ANKRD17: variants seen among roughly 807,000 people sequenced by gnomAD.
ANKRD17 encodes ankyrin repeat domain 17.
In ANKRD17, 19 loss-of-function variants were observed where a neutral mutation model predicts 229.7. The ratio of observed to expected loss-of-function variants is 0.08; its 90% CI spans 0.06 to 0.12. ANKRD17 has a LOEUF of 0.12. ANKRD17 is among the 10% of genes least tolerant of loss of function. ANKRD17 has a pLI of 1.00. For missense variants in ANKRD17, 2,176 were observed against 3,176.8 expected (o/e 0.68, Z 7.57); for synonymous variants, 1,112 against 1,146.1 (o/e 0.97, Z 0.60).
Position 73,192,491 on chromosome 4 carries a change from A to G in ANKRD17, c.394-14958T>C, listed in dbSNP as rs78766718. On this transcript the variant is annotated intron_variant, in intron 1 of 33. Coordinates refer to ENST00000358602, the MANE Select transcript of ANKRD17 (RefSeq NM_032217.5). ...CCCAAGTTATTAACAGTGGTAATCAAAGAATGAAATCAAAGAGAGAATTGT... is the reference window on the plus strand; with the variant it reads ...CCCAAGTTATTAACAGTGGTAATCAGAGAATGAAATCAAAGAGAGAATTGT... Among the ~76,000 whole-genome samples the G allele has an allele frequency of 2.0e-3, 304 of 152,238 alleles. 2 individuals carry two copies. The highest frequency in any genetic ancestry group is 6.7e-3 in the African/African-American group (277 of 41,584).
Position 73,077,118 on chromosome 4 carries a change from AAC to A in ANKRD17, c.7588-16_7588-15del. 2 of 1,553,074 alleles carry A rather than the reference AAC, an allele frequency of 1.3e-6. No individual in the cohort carries two copies. The highest frequency in any genetic ancestry group is 8.7e-7 in the Non-Finnish European group (1 of 1,151,806). On this transcript the variant is annotated splice_polypyrimidine_tract_variant and intron_variant, in intron 32 of 33. Coordinates refer to ENST00000358602, the MANE Select transcript of ANKRD17 (RefSeq NM_032217.5). ...AAAAGGCATACCCTTAAAAAAGGAA[AAC>A]ACACACATTAACATCCAAGTCATTG...
chr4:73,109,673 G>A (rs183986281), intron 24 of ANKRD17, among the ~76,000 whole-genome samples: 2 of 152,230 alleles, frequency 1.3e-5, no homozygotes, highest in African/African-American at 4.8e-5. Flanking sequence ...AAGGGCTAGG[G>A]AAATCTAGTA....
chr4:73,185,186 A>AT (rs1247771969), intron 1 of ANKRD17, among the ~76,000 whole-genome samples: 4 of 151,766 alleles, frequency 2.6e-5, no homozygotes, highest in Admixed American at 2.6e-4. Context: ...AGAAAAAATA[A>AT]TAATAAATAA....
At chr4:73,256,130 T>C (rs983808430) in intron 1 of ANKRD17, among the ~76,000 whole-genome samples, 1 of 152,242 alleles carries the variant, frequency 6.6e-6, no homozygotes, top group Non-Finnish European at 1.5e-5. Context: ...GTTAAAAACA[T>C]AGAAATACTA....
intron 24 of ANKRD17, among the ~76,000 whole-genome samples, chr4:73,108,551 T>A (rs1724918445): frequency 6.6e-6 from 1 of 152,148 alleles, no homozygotes; most frequent in Non-Finnish European, 1.5e-5. Flanking sequence ...GAGCCTGTAG[T>A]GGCATGAAAG....
chr4:73,235,866 CTTT>C (rs529645343), intron 1 of ANKRD17, among the ~76,000 whole-genome samples: 1 of 144,260 alleles, frequency 6.9e-6, no homozygotes, highest in South Asian at 2.2e-4. Context: ...AAAATTTTTT[CTTT>C]TTTTTTTTGG....
At chr4:73,220,618 T>C (rs1289917562) in intron 1 of ANKRD17, among the ~76,000 whole-genome samples, 1 of 152,250 alleles carries the variant, frequency 6.6e-6, no homozygotes, top group East Asian at 1.9e-4. Context: ...TCACTAATGA[T>C]ATTGACTTTT....
chr4:73,175,019 A>G lies in ANKRD17; in HGVS notation c.547+2361T>C, dbSNP rs563024638. ...CTACCCCAAGCAACTTACAGAGTCA[A>G]TGCAATTCCTATCAAAATACTAATG... On this transcript the variant is annotated intron_variant, in intron 2 of 33. Coordinates refer to ENST00000358602, the MANE Select transcript of ANKRD17 (RefSeq NM_032217.5). Among the ~76,000 whole-genome samples, 4 of 152,338 alleles carry G rather than the reference A, an allele frequency of 2.6e-5. No homozygotes were observed. In the East Asian group the frequency reaches 5.8e-4, roughly 22 times the overall value.
chr4:73,151,530 C>A lies in ANKRD17; in HGVS notation c.1235-6G>T. 1.9e-6 allele frequency: 3 copies of A among 1,557,254 alleles called. No homozygotes were observed. Among genetic ancestry groups the A allele is most frequent in the Non-Finnish European group, 2.6e-6 (3 of 1,151,420 alleles). On this transcript the variant is annotated splice_polypyrimidine_tract_variant and splice_region_variant and intron_variant, in intron 6 of 33. Transcript: ENST00000358602. Reference sequence around the variant, plus strand: ...TCGCACCATCTCTAAGTGTCCTAAACCAAAAGTGTACAAGATTACTTGAAA... The same window carrying A: ...TCGCACCATCTCTAAGTGTCCTAAAACAAAAGTGTACAAGATTACTTGAAA...
At chr4:73,226,908 A>G (rs2149228253) in intron 1 of ANKRD17, among the ~76,000 whole-genome samples, 1 of 152,142 alleles carries the variant, frequency 6.6e-6, no homozygotes, top group East Asian at 1.9e-4. Context: ...CTCTATCTTT[A>G]GGTCACTGGA....
rs923234828 is a variant in ANKRD17, at chr4:73,202,376, A to G, written c.394-24843T>C. ...ACAGAACTGAAGTCTTACTTAGTTCAGGAGAAAAAGATCAGAGTTTAGAGA... is the reference window on the plus strand; with the variant it reads ...ACAGAACTGAAGTCTTACTTAGTTCGGGAGAAAAAGATCAGAGTTTAGAGA... On this transcript the variant is annotated intron_variant, in intron 1 of 33. Coordinates refer to ENST00000358602, the MANE Select transcript of ANKRD17 (RefSeq NM_032217.5). Among the ~76,000 whole-genome samples, 13 of 141,436 alleles carry G rather than the reference A, an allele frequency of 9.2e-5. No homozygotes were observed. In the East Asian group the frequency reaches 3.1e-3, roughly 33 times the overall value. 92.8% of individuals were successfully genotyped at this position (141,436 alleles called of 152,430 possible).
intron 1 of ANKRD17, among the ~76,000 whole-genome samples, chr4:73,254,122 A>T (rs891323116): frequency 2.6e-5 from 4 of 152,238 alleles, no homozygotes; most frequent in Admixed American, 6.5e-5. Flanking sequence ...TCTAAGCATT[A>T]CAAAAAAGGA....
intron 19 of ANKRD17, 142 bp from the exon 20 acceptor site, chr4:73,121,236 T>G: frequency 4.1e-6 from 3 of 739,654 alleles, no homozygotes; most frequent in Non-Finnish European, 6.8e-6. Flanking sequence ...TTAGTAAGTC[T>G]CTGAGATACT....
chr4:73,140,904 T>A (rs1054341845), intron 14 of ANKRD17, among the ~76,000 whole-genome samples: 2 of 152,214 alleles, frequency 1.3e-5, no homozygotes, highest in African/African-American at 4.8e-5. Context: ...GGATTCAGTT[T>A]CCCTGGAAGA....
In ANKRD17 at chr4:73,151,469, T is replaced by C; in HGVS notation, c.1290A>G (p.Lys430=). Reference sequence around the variant, plus strand: ...TCAGAGCAGTGTGCATTTCATCTGTTTTATGCTCTTGATCCGCGCCTGCTT... The same window carrying C: ...TCAGAGCAGTGTGCATTTCATCTGTCTTATGCTCTTGATCCGCGCCTGCTT... The part of the protein sequence containing the change: ...LLEAGADQEH[K]TDEMHTALME... Residue 430 remains lysine, a synonymous_variant, in exon 7 of 34, where the codon AAA becomes AAG. Transcript: ENST00000358602. 1 of 1,611,792 alleles carries C rather than the reference T, an allele frequency of 6.2e-7. No individual in the cohort carries two copies. The highest frequency in any genetic ancestry group is 1.1e-5 in the South Asian group (1 of 90,352).
At chr4:73,125,657 T>C (rs1429339135) in intron 16 of ANKRD17, among the ~76,000 whole-genome samples, 1 of 147,010 alleles carries the variant, frequency 6.8e-6, no homozygotes, top group Non-Finnish European at 1.5e-5. Flanking sequence ...CGCTTGAACC[T>C]GGGAGGCAGA....
intron 1 of ANKRD17, among the ~76,000 whole-genome samples, chr4:73,186,959 C>T (rs919361661): frequency 1.5e-5 from 2 of 137,552 alleles, no homozygotes; most frequent in African/African-American, 6.5e-5. Flanking sequence ...TTACAACACA[C>T]ACAGATACAC....
At chr4:73,167,013 C>T (rs1428140558) in intron 2 of ANKRD17, among the ~76,000 whole-genome samples, 1 of 151,866 alleles carries the variant, frequency 6.6e-6, no homozygotes, top group Non-Finnish European at 1.5e-5. Flanking sequence ...AGTATTATGG[C>T]TATATTTCTT....
chr4:73,152,216 T>A (rs1420826795), intron 6 of ANKRD17, among the ~76,000 whole-genome samples: 1 of 152,152 alleles, frequency 6.6e-6, no homozygotes, highest in African/African-American at 2.4e-5. Context: ...CCAGCTTTAT[T>A]TGGAATGAGC....
Sources: gnomAD v4.1 joint callset for allele counts (sites outside exome capture counted in the v4.1 genomes callset) on GRCh38, gnomAD v4.1.1 for gene constraint, MANE v1.5 for transcripts, NCBI Gene and HGNC (gene_info 2026-07-23, HGNC 2026-07-21) for gene names.